Variants in NIPSNAP1 observed in about 807,000 individuals in gnomAD.
NIPSNAP1 encodes the protein nipsnap homolog 1, also known as protein NipSnap homolog 1.
NIPSNAP1 carries 25 observed loss-of-function variants against 49.2 expected under a neutral mutation model. That is an observed-to-expected ratio of 0.51 (90% CI 0.37 to 0.71). The LOEUF is 0.71. Among genes scored for constraint, NIPSNAP1 ranks in the 30% least tolerant of loss-of-function variants. The pLI is 0.00. For missense variants in NIPSNAP1, 294 were observed against 361.0 expected (o/e 0.81, Z 1.50); for synonymous variants, 143 against 140.7 (o/e 1.02, Z -0.12).
intron 1 of NIPSNAP1, among the ~76,000 whole-genome samples, chr22:29,578,139 G>A (rs1569250416): frequency 6.7e-6 from 1 of 150,258 alleles, no homozygotes; most frequent in Non-Finnish European, 1.5e-5. Flanking sequence ...CTCATGATCC[G>A]CCTGCCTGGG....
chr22:29,563,899 G>A (rs1349095382), intron 4 of NIPSNAP1, among the ~76,000 whole-genome samples: 1 of 152,132 alleles, frequency 6.6e-6, no homozygotes, highest in Admixed American at 6.6e-5. Flanking sequence ...CTCCCCTAAG[G>A]CCTTAGGAGG....
chr22:29,567,832 G>A (rs1341484547), intron 4 of NIPSNAP1, among the ~76,000 whole-genome samples: 1 of 151,428 alleles, frequency 6.6e-6, no homozygotes, highest in Non-Finnish European at 1.5e-5. Context: ...TCCCCACTGG[G>A]TAACAAGACC....
intron 1 of NIPSNAP1, among the ~76,000 whole-genome samples, chr22:29,575,709 T>A (rs2064446391): frequency 9.0e-6 from 1 of 111,304 alleles, no homozygotes; most frequent in African/African-American, 3.1e-5. Context: ...ACCCAGGAGT[T>A]GTTTTTTTTT....
Position 29,561,860 on chromosome 22 carries a change from G to A in NIPSNAP1, c.370C>T (p.His124Tyr), listed in dbSNP as rs1601488850. 2.5e-6 allele frequency: 4 copies of A among 1,613,980 alleles called. No homozygotes were observed. The African/African-American group carries it at 4.0e-5, about 16-fold the overall frequency. The change falls in exon 5 of 10, where the codon CAC (histidine) becomes TAC (tyrosine). Residue 124 changes from histidine (H) to tyrosine (Y), a missense_variant and splice_region_variant. Around this residue, in one of 4 missense-constraint regions of NIPSNAP1, gnomAD observed 146 missense variants for 219.9 expected, o/e 0.66. Transcript: ENST00000216121. Reference protein sequence around the residue: ...TWYGEQDQAVHLWRFSGGYPA... With the variant: ...TWYGEQDQAVYLWRFSGGYPA... ...TAGCCACCTGAGAATCGCCACAGGT[G>A]CACTGTTGGGGGTGAGAGGTATAGG...
rs1389918354 is a variant in NIPSNAP1 at position 29,560,782 on chromosome 22, C to T, written c.658G>A (p.Gly220Ser). The T allele has an allele frequency of 2.5e-6, 4 of 1,614,084 alleles. No individual in the cohort carries two copies. The South Asian group carries it at 3.3e-5, about 13-fold the overall frequency. ...AGCTCTCCTATCTGTGAGAAGAAGC[C>T]GCCCACTGCCTCCTGGTTCTCCTGC... ...YRQENQEAVG[G>S]FFSQIGELYV... The change falls in exon 8 of 10, where the codon GGC (glycine) becomes AGC (serine). Residue 220 changes from glycine to serine, a missense_variant. Around this residue, in one of 4 missense-constraint regions of NIPSNAP1, gnomAD observed 146 missense variants for 219.9 expected, o/e 0.66. Transcript: ENST00000216121.
chr22:29,570,944 CT>C (rs2064403649), intron 1 of NIPSNAP1, among the ~76,000 whole-genome samples: 1 of 152,124 alleles, frequency 6.6e-6, no homozygotes, highest in Non-Finnish European at 1.5e-5. Flanking sequence ...TCAGCCTCCC[CT>C]CCTGCCCCCT....
At chr22:29,563,572 C>T (rs554574414) in intron 4 of NIPSNAP1, among the ~76,000 whole-genome samples, 2 of 151,922 alleles carry the variant, frequency 1.3e-5, no homozygotes, top group South Asian at 4.2e-4. Context: ...ATCATATTAT[C>T]TGCACTGAGT....
chr22:29,566,661 A>G (rs1405782787), intron 4 of NIPSNAP1, among the ~76,000 whole-genome samples: 2 of 151,990 alleles, frequency 1.3e-5, no homozygotes, highest in Non-Finnish European at 2.9e-5. Flanking sequence ...TGTCTCTACT[A>G]AAAATATAAA....
Position 29,580,727 on chromosome 22 carries a change from C to T in NIPSNAP1, c.98+258G>A, listed in dbSNP as rs566473569. Among the ~76,000 whole-genome samples, 171 of 152,234 alleles carry T rather than the reference C, an allele frequency of 1.1e-3. 5 individuals carry two copies. Among genetic ancestry groups the T allele is most frequent in the Admixed American group, 0.011 (170 of 15,276 alleles). On this transcript the variant is annotated intron_variant, in intron 1 of 9. Coordinates refer to ENST00000216121, the MANE Select transcript of NIPSNAP1 (RefSeq NM_003634.4). The stretch of plus-strand genomic sequence containing the variant: ...TTCTGCCCTCTCCCACTCTCCAGGG[C>T]CCAGTACCTGCCCTTCTCACCATCT...
At chr22:29,565,754 C>T (rs1006563698) in intron 4 of NIPSNAP1, among the ~76,000 whole-genome samples, 39 of 151,400 alleles carry the variant, frequency 2.6e-4, no homozygotes, top group South Asian at 2.1e-4. Context: ...GAGGATTGCC[C>T]GAGCCCAGAA....
In NIPSNAP1 at chr22:29,561,343, C is replaced by T. The variant is rs2064334008; in HGVS notation, c.580-141G>A. On this transcript the variant is annotated intron_variant, in intron 6 of 9. Coordinates refer to ENST00000216121, the MANE Select transcript of NIPSNAP1 (RefSeq NM_003634.4). ...ATTTGGCCTCATTCGCAGGCCCTGA[C>T]ACACACCTGGTGTGCATGTTTGCAC... 6.3e-6 allele frequency: 9 copies of T among 1,419,266 alleles called. No homozygotes were observed. In the South Asian group the frequency reaches 9.2e-5, roughly 14 times the overall value. 87.9% of individuals were successfully genotyped at this position (1,419,266 alleles called of 1,614,324 possible). A position where few individuals can be genotyped will look rare whatever the true frequency, so the allele number is the denominator to read the frequency against.
At position 29,555,954 on chromosome 22, in the gene NIPSNAP1, T is replaced by G. The variant is rs532196815; in HGVS notation, c.836A>C (p.Lys279Thr). The G allele has an allele frequency of 2.1e-5, 33 of 1,551,768 alleles. No homozygotes were observed. In the South Asian group the frequency reaches 3.7e-4, roughly 17 times the overall value. Reference sequence around the variant, plus strand: ...GCAGCATCACTGCAGAGGCGAGATCTTCAAGGGGATCATGATCCTAGACTC... The same window carrying G: ...GCAGCATCACTGCAGAGGCGAGATCGTCAAGGGGATCATGATCCTAGACTC... ...HMESRIMIPL[K>T]ISPLQ is the part of the protein sequence containing the mutation. The change falls in exon 10 of 10, where the codon AAG (lysine) becomes ACG (threonine). Residue 279 changes from lysine to threonine, a missense_variant. By Grantham distance (78) the Lys-to-Thr change is moderately conservative. This residue lies in a region of NIPSNAP1 where 146 missense variants were observed against 219.9 expected (regional missense o/e 0.66). Coordinates refer to ENST00000216121, the MANE Select transcript of NIPSNAP1 (RefSeq NM_003634.4).
chr22:29,576,623 C>T (rs1332111255), intron 1 of NIPSNAP1, among the ~76,000 whole-genome samples: 1 of 151,216 alleles, frequency 6.6e-6, no homozygotes, highest in Admixed American at 6.6e-5. Context: ...AAGTATGAAA[C>T]AAAAGAAATG....
At chr22:29,568,357 C>T (rs1011519301) in intron 4 of NIPSNAP1, among the ~76,000 whole-genome samples, 3 of 151,144 alleles carry the variant, frequency 2.0e-5, no homozygotes, top group African/African-American at 7.3e-5. Context: ...GTGGCACAGG[C>T]CAGTAATCCC....
chr22:29,564,811 C>T (rs925143248), intron 4 of NIPSNAP1, among the ~76,000 whole-genome samples: 3 of 152,166 alleles, frequency 2.0e-5, no homozygotes, highest in African/African-American at 7.2e-5. Context: ...AACCCTACTC[C>T]CAGCGTACAG....
At chr22:29,565,460 C>T (rs2064362596) in intron 4 of NIPSNAP1, among the ~76,000 whole-genome samples, 1 of 152,106 alleles carries the variant, frequency 6.6e-6, no homozygotes, top group African/African-American at 2.4e-5. Flanking sequence ...TTGCAGTGAG[C>T]TGAGATCACG....
At chr22:29,580,142 C>G (rs1051745767) in intron 1 of NIPSNAP1, 1 of 1,304,126 alleles carries the variant, frequency 7.7e-7, no homozygotes, top group Non-Finnish European at 1.0e-6. Flanking sequence ...CCTGAGCCCT[C>G]TGAGGGTGGG....
intron 1 of NIPSNAP1, among the ~76,000 whole-genome samples, chr22:29,576,798 G>A (rs534413701): frequency 6.6e-6 from 1 of 151,198 alleles, no homozygotes; most frequent in South Asian, 2.1e-4. Context: ...GGTGGCAGGC[G>A]CCTGTAATCC....
rs9613962 is a variant in NIPSNAP1, at chr22:29,574,301, A to G, written c.99-3769T>C. Reference sequence around the variant, plus strand: ...AAAAAAAAAAAAAAAAAGAAAGAAAAAGAAAAGAAAATAAATTACTTGTCC... The same window carrying G: ...AAAAAAAAAAAAAAAAAGAAAGAAAGAGAAAAGAAAATAAATTACTTGTCC... On this transcript the variant is annotated intron_variant, in intron 1 of 9. Transcript: ENST00000216121. Among the ~76,000 whole-genome samples, 6 of 150,968 alleles carry G rather than the reference A, an allele frequency of 4.0e-5. No homozygotes were observed. In the East Asian group the frequency reaches 5.8e-4, roughly 15 times the overall value.
Sources: allele counts gnomAD v4.1 joint callset (sites outside exome capture counted in the v4.1 genomes callset), GRCh38; gene constraint gnomAD v4.1.1; regional missense constraint gnomAD v4.1.1; transcripts MANE v1.5; gene names NCBI Gene and HGNC (gene_info 2026-07-23, HGNC 2026-07-21).